Variants in MFAP3L observed in about 807,000 individuals in gnomAD.
MFAP3L encodes the protein microfibrillar-associated protein 3-like.
Under a neutral mutation model 20.0 loss-of-function variants are expected in MFAP3L, and 5 were observed. The ratio of observed to expected loss-of-function variants is 0.25; its 90% CI spans 0.13 to 0.53. The LOEUF is 0.53. MFAP3L is among the 20% of genes least tolerant of loss of function. The pLI, the probability that MFAP3L is intolerant of heterozygous loss-of-function variation, is 0.96. For missense variants in MFAP3L, 409 were observed against 527.5 expected, an observed-to-expected ratio of 0.78 and a Z score of 2.20; for synonymous variants, 219 against 213.0, an observed-to-expected ratio of 1.03 and a Z score of -0.25.
chr4:169,997,389 G>A (rs969497058), intron 2 of MFAP3L, among the ~76,000 whole-genome samples: 1 of 152,010 alleles, frequency 6.6e-6, no homozygotes, highest in African/African-American at 2.4e-5. Flanking sequence ...AAAAGCAAAT[G>A]ACGGGCCAGG....
chr4:169,996,098 C>G (rs1738143197), intron 2 of MFAP3L, among the ~76,000 whole-genome samples: 1 of 147,116 alleles, frequency 6.8e-6, no homozygotes, highest in Non-Finnish European at 1.5e-5. Flanking sequence ...AGGCTTTAGG[C>G]TAAAATGCTC....
intron 1 of MFAP3L, among the ~76,000 whole-genome samples, chr4:170,020,240 C>G (rs774346799): frequency 6.6e-6 from 1 of 152,178 alleles, no homozygotes; most frequent in Non-Finnish European, 1.5e-5. Flanking sequence ...TTCTGCTGTA[C>G]CTGAGACAGA....
At chr4:170,000,905 T>C (rs1235789266) in intron 2 of MFAP3L, among the ~76,000 whole-genome samples, 2 of 152,042 alleles carry the variant, frequency 1.3e-5, no homozygotes, top group African/African-American at 4.8e-5. Context: ...TTTTTTTCCA[T>C]AGAGACAGGG....
rs1458633652 is a variant in MFAP3L, at chr4:169,988,316, T to C, written c.*3062A>G. 1 of 152,110 alleles carries C rather than the reference T, an allele frequency of 6.6e-6. No homozygotes were observed. Among genetic ancestry groups the C allele is most frequent in the Non-Finnish European group, 1.5e-5 (1 of 68,028 alleles). The allele number at this position is 152,110 out of a possible 1,614,324, so 9.4% of individuals were successfully genotyped here. On this transcript the variant is annotated 3_prime_UTR_variant, in exon 3 of 3. Transcript: ENST00000361618. Reference sequence around the variant, plus strand: ...ATAAAATTGTTTTCCCCATTTAGAATAAATACCATCCAAGTTTACAGATCA... The same window carrying C: ...ATAAAATTGTTTTCCCCATTTAGAACAAATACCATCCAAGTTTACAGATCA...
At chr4:170,027,243 T>TTTTTTTTTTTTTTTTTTG (rs1730509653), upstream of MFAP3L, 1 of 145,806 alleles carries the variant, frequency 6.9e-6, no homozygotes. Context: ...TTTTTTTAAT[T>TTTTTTTTTTTTTTTTTTG]TTAAAAGAGA....
intron 1 of MFAP3L, among the ~76,000 whole-genome samples, chr4:170,025,418 G>T (rs998994977): frequency 1.3e-5 from 2 of 152,152 alleles, no homozygotes; most frequent in Non-Finnish European, 2.9e-5. Flanking sequence ...AAACTTTTCT[G>T]CTAAGTATCC....
At chr4:170,011,923 C>T (rs1266722786) in intron 1 of MFAP3L, among the ~76,000 whole-genome samples, 2 of 152,104 alleles carry the variant, frequency 1.3e-5, no homozygotes, top group African/African-American at 4.8e-5. Flanking sequence ...TTGAAAGAAA[C>T]GATTACAGAG....
At position 169,990,185 on chromosome 4, in the gene MFAP3L, T is replaced by C. The variant is rs1737558044; in HGVS notation, c.*1193A>G. On this transcript the variant is annotated 3_prime_UTR_variant, in exon 3 of 3. Transcript: ENST00000361618. ...CTTTGGATGACTAATTTTGTCTTCTTTCCATAACATCACGCACCTCACATA... is the reference window on the plus strand; with the variant it reads ...CTTTGGATGACTAATTTTGTCTTCTCTCCATAACATCACGCACCTCACATA... 6.6e-6 allele frequency: 1 copy of C among 152,252 alleles called. No homozygotes were observed. Among genetic ancestry groups the C allele is most frequent in the Non-Finnish European group, 1.5e-5 (1 of 68,052 alleles). 9.4% of individuals were successfully genotyped at this position (152,252 alleles called of 1,614,324 possible).
rs892435621 is a variant in MFAP3L at position 169,989,811 on chromosome 4, A to G, written c.*1567T>C. On this transcript the variant is annotated 3_prime_UTR_variant, in exon 3 of 3. Coordinates refer to ENST00000361618, the MANE Select transcript of MFAP3L (RefSeq NM_021647.8). The stretch of plus-strand genomic sequence containing the variant: ...TGCTTTTAAGGGAAAATTAAATAAA[A>G]CCACTCATTCTCACCAATATTAAAT... 39 of 152,218 alleles carry G rather than the reference A, an allele frequency of 2.6e-4. No individual in the cohort carries two copies. Among genetic ancestry groups the G allele is most frequent in the African/African-American group, 9.4e-4 (39 of 41,454 alleles). 9.4% of individuals were successfully genotyped at this position (152,218 alleles called of 1,614,324 possible).
intron 1 of MFAP3L, among the ~76,000 whole-genome samples, chr4:170,024,875 A>G (rs552184506): frequency 2.0e-4 from 30 of 152,356 alleles, no homozygotes; most frequent in Non-Finnish European, 3.5e-4. Flanking sequence ...CCACAACTCA[A>G]TGAAAAGTCA....
upstream of MFAP3L, chr4:170,026,896 C>G (rs1476264440): frequency 1.3e-5 from 2 of 152,312 alleles, no homozygotes; most frequent in Non-Finnish European, 2.9e-5. Context: ...CACGAGCAAA[C>G]CACCTTGCTT....
chr4:170,023,957 T>C (rs77828149), intron 1 of MFAP3L, among the ~76,000 whole-genome samples: 1,688 of 152,304 alleles, frequency 0.011, 37 homozygotes, highest in African/African-American at 0.039. Context: ...TAATTTGCTG[T>C]AAATGTCTAA....
rs956880098 is a variant in MFAP3L at position 170,021,925 on chromosome 4, C to T, written c.-134+4309G>A. Among the ~76,000 whole-genome samples, 3 of 152,154 alleles carry T rather than the reference C, an allele frequency of 2.0e-5. No individual in the cohort carries two copies. The East Asian group carries it at 5.8e-4, about 29-fold the overall frequency. On this transcript the variant is annotated intron_variant, in intron 1 of 2. Coordinates refer to ENST00000361618, the MANE Select transcript of MFAP3L (RefSeq NM_021647.8). ...TGATTGTGGCACTTTCCCAGCTGAA[C>T]CAGTACAAGCCCATGACATTGCAAG...
chr4:169,998,346 T>C (rs1028106159), intron 2 of MFAP3L, among the ~76,000 whole-genome samples: 1 of 152,222 alleles, frequency 6.6e-6, no homozygotes, highest in African/African-American at 2.4e-5. Context: ...AACCAACAGA[T>C]GACAACATCA....
chr4:170,005,474 T>C (rs1581490689), intron 2 of MFAP3L, 106 bp downstream of exon 2: 1 of 1,242,044 alleles, frequency 8.1e-7, no homozygotes, highest in Non-Finnish European at 1.1e-6. Flanking sequence ...CAAGACAAGA[T>C]GAGATCTTTA....
At chr4:170,002,200 CTCT>C (rs1391296797) in intron 2 of MFAP3L, 1 of 985,174 alleles carries the variant, frequency 1.0e-6, no homozygotes, top group Non-Finnish European at 1.2e-6. Context: ...GAGTGAGAGG[CTCT>C]TCAACATTTT....
Position 170,026,321 on chromosome 4 carries a change from G to A in MFAP3L, c.-221C>T. 1 of 981,214 alleles carries A rather than the reference G, an allele frequency of 1.0e-6. No individual in the cohort carries two copies. Among genetic ancestry groups the A allele is most frequent in the Non-Finnish European group, 1.2e-6 (1 of 827,050 alleles). The allele number at this position is 981,214 out of a possible 1,614,324, so 60.8% of individuals were successfully genotyped here. ...GGCCGCTGCGCCGCACTCTGCGCCG[G>A]ACGCCCGGTAGCGCCTACTGCGGGC... On this transcript the variant is annotated 5_prime_UTR_variant, in exon 1 of 3. Transcript: ENST00000361618.
Position 170,005,963 on chromosome 4 carries a change from T to C in MFAP3L, c.-86A>G. On this transcript the variant is annotated 5_prime_UTR_variant, in exon 2 of 3. The change abolishes an upstream ATG in the 5' untranslated region. Transcript: ENST00000361618. ...ACAACACACTGTTCACAGCAGGTCATGGGACAAACCTGTCCTGGGTCCATA... is the reference window on the plus strand; with the variant it reads ...ACAACACACTGTTCACAGCAGGTCACGGGACAAACCTGTCCTGGGTCCATA... 9 of 1,512,244 alleles carry C rather than the reference T, an allele frequency of 6.0e-6. No individual in the cohort carries two copies. Among genetic ancestry groups the C allele is most frequent in the Non-Finnish European group, 8.0e-6 (9 of 1,128,004 alleles). 93.7% of individuals were successfully genotyped at this position (1,512,244 alleles called of 1,614,324 possible). A position where few individuals can be genotyped will look rare whatever the true frequency, so the allele number is the denominator to read the frequency against.
At position 169,991,655 on chromosome 4, in the gene MFAP3L, T is replaced by C; in HGVS notation, c.953A>G (p.Lys318Arg). The change falls in exon 3 of 3, where the codon AAG becomes AGG. Residue 318 changes from lysine (K) to arginine (R), a missense_variant. By Grantham distance (26) the Lys-to-Arg change is conservative. This residue lies in a region of MFAP3L where 169 missense variants were observed against 178.2 expected (regional missense o/e 0.95). Coordinates refer to ENST00000361618, the MANE Select transcript of MFAP3L (RefSeq NM_021647.8). The surrounding 1 kb of genome is among the most constrained non-coding windows in gnomAD (Gnocchi z 4.9). ...TTTGGACTGCGGGTGAACTGACACC[T>C]TGATGGCAATTTGCTGAGGTTGCTC... ...LHEQPQQIAI[K>R]VSVHPQSKKE... is the part of the protein sequence containing the mutation. 1 of 1,614,194 alleles carries C rather than the reference T, an allele frequency of 6.2e-7. No homozygotes were observed. The highest frequency in any genetic ancestry group is 8.5e-7 in the Non-Finnish European group (1 of 1,180,032).
Sources: allele counts gnomAD v4.1 joint callset (sites outside exome capture counted in the v4.1 genomes callset), GRCh38; gene constraint gnomAD v4.1.1; regional missense constraint gnomAD v4.1.1; non-coding constraint Gnocchi (gnomAD v3.1); transcripts MANE v1.5; gene names NCBI Gene and HGNC (gene_info 2026-07-23, HGNC 2026-07-21).